Variants in RAB31 observed in about 807,000 individuals in gnomAD.
RAB31 encodes RAB31, member RAS oncogene family, also known as ras-related protein Rab-31.
In RAB31, 21 loss-of-function variants were observed where a neutral mutation model predicts 25.6. The ratio of observed to expected loss-of-function variants is 0.82; its 90% CI spans 0.58 to 1.18. RAB31 has a LOEUF of 1.18. Among genes scored for constraint, RAB31 ranks in the 50% most tolerant of loss-of-function variants. The pLI is 0.00. For missense variants in RAB31, 196 were observed against 250.1 expected, an observed-to-expected ratio of 0.78 and a Z score of 1.46; for synonymous variants, 87 against 84.0, an observed-to-expected ratio of 1.04 and a Z score of -0.20.
At chr18:9,847,534 C>A (rs2068767745) in intron 6 of RAB31, among the ~76,000 whole-genome samples, 1 of 152,262 alleles carries the variant, frequency 6.6e-6, no homozygotes, top group East Asian at 1.9e-4. Flanking sequence ...AAATAAGGAC[C>A]TGAAAGAGAA....
intron 1 of RAB31, among the ~76,000 whole-genome samples, chr18:9,735,892 C>T (rs1175276626): frequency 2.6e-5 from 4 of 152,134 alleles, no homozygotes; most frequent in Non-Finnish European, 5.9e-5. Flanking sequence ...ATTGGAGTGC[C>T]ATGGTGAGAT....
intron 2 of RAB31, chr18:9,787,274 G>A (rs1599038402): frequency 9.2e-6 from 2 of 217,548 alleles, no homozygotes; most frequent in Non-Finnish European, 2.0e-5. Context: ...CAAATGAAAT[G>A]AGTGTGGCAA....
chr18:9,782,852 A>G (rs553967864), intron 2 of RAB31, among the ~76,000 whole-genome samples: 2 of 152,220 alleles, frequency 1.3e-5, no homozygotes, highest in East Asian at 3.9e-4. Context: ...GTGAGCCACC[A>G]CACCTGGCTG....
chr18:9,776,494 T>TC (rs1354986032), intron 2 of RAB31, among the ~76,000 whole-genome samples: 4 of 152,056 alleles, frequency 2.6e-5, no homozygotes, highest in Non-Finnish European at 5.9e-5. Context: ...AAACCCACAT[T>TC]TTGTAGATTA....
At chr18:9,778,354 G>T (rs563955055) in intron 2 of RAB31, among the ~76,000 whole-genome samples, 3 of 152,158 alleles carry the variant, frequency 2.0e-5, no homozygotes, top group Non-Finnish European at 4.4e-5. Context: ...TCTAGTAAAT[G>T]CATTTCGGTG....
intron 2 of RAB31, among the ~76,000 whole-genome samples, chr18:9,779,460 A>G (rs1007436856): frequency 7.9e-5 from 12 of 152,194 alleles, no homozygotes; most frequent in African/African-American, 2.7e-4. Context: ...CTAACAAGCC[A>G]CAACATACAT....
chr18:9,821,743 A>C (rs2068625481), intron 5 of RAB31, among the ~76,000 whole-genome samples: 1 of 152,274 alleles, frequency 6.6e-6, no homozygotes, highest in East Asian at 1.9e-4. Flanking sequence ...ACTTAGGCAT[A>C]TATTTAACAA....
chr18:9,714,991 T>C (rs556076194), intron 1 of RAB31, among the ~76,000 whole-genome samples: 1 of 152,322 alleles, frequency 6.6e-6, no homozygotes, highest in East Asian at 1.9e-4. Flanking sequence ...GTACCTGCTG[T>C]CGCACAGTGC....
At chr18:9,826,206 C>T (rs9955706) in intron 5 of RAB31, among the ~76,000 whole-genome samples, 1 of 151,588 alleles carries the variant, frequency 6.6e-6, no homozygotes, top group African/African-American at 2.4e-5. Context: ...ATGAAACCCC[C>T]CTCTACTAAA....
Position 9,794,676 on chromosome 18 carries a change from G to A in RAB31, c.201+2441G>A, listed in dbSNP as rs541722796. ...CTAAAAATACAAAAATTAGTCAGGC[G>A]TGGTGGCACATACCTGTAGTCCCAA... On this transcript the variant is annotated intron_variant, in intron 3 of 6. Transcript: ENST00000578921. Among the ~76,000 whole-genome samples the A allele has an allele frequency of 3.2e-4, 48 of 152,116 alleles. 1 individual carries two copies. In the South Asian group the frequency reaches 7.3e-3, roughly 23 times the overall value.
intron 2 of RAB31, chr18:9,787,890 A>C (rs751744866): frequency 2.0e-5 from 3 of 152,250 alleles, no homozygotes; most frequent in Non-Finnish European, 4.4e-5. Context: ...AAAGATCGAA[A>C]CTGTAGACCA....
At chr18:9,735,961 T>A (rs1289581409) in intron 1 of RAB31, among the ~76,000 whole-genome samples, 1 of 152,164 alleles carries the variant, frequency 6.6e-6, no homozygotes, top group Non-Finnish European at 1.5e-5. Flanking sequence ...CTCATCCTCC[T>A]GAGTAGGTGG....
intron 1 of RAB31, among the ~76,000 whole-genome samples, chr18:9,751,618 T>A (rs1027228476): frequency 4.6e-5 from 7 of 152,192 alleles, no homozygotes; most frequent in Admixed American, 6.5e-5. Flanking sequence ...CATCATTCTT[T>A]TGATGTATTG....
At chr18:9,741,765 AG>A (rs1382553649) in intron 1 of RAB31, among the ~76,000 whole-genome samples, 1 of 152,214 alleles carries the variant, frequency 6.6e-6, no homozygotes, top group Non-Finnish European at 1.5e-5. Flanking sequence ...GACTTTTCAC[AG>A]GAACCCAGGC....
intron 5 of RAB31, among the ~76,000 whole-genome samples, chr18:9,827,716 G>A (rs2068656942): frequency 6.6e-6 from 1 of 152,188 alleles, no homozygotes; most frequent in Non-Finnish European, 1.5e-5. Context: ...AGTGAAAATA[G>A]GGTAGGGTAG....
intron 3 of RAB31, among the ~76,000 whole-genome samples, chr18:9,793,133 G>T (rs1010007098): frequency 6.6e-6 from 1 of 152,144 alleles, no homozygotes. Context: ...GAGTGCAGTG[G>T]CACAATTATG....
intron 6 of RAB31, among the ~76,000 whole-genome samples, chr18:9,856,819 C>T (rs1404005725): frequency 6.6e-6 from 1 of 152,112 alleles, no homozygotes; most frequent in Admixed American, 6.5e-5. Flanking sequence ...AATGATGTAA[C>T]TCGACACTGT....
chr18:9,777,184 T>A (rs1007072590), intron 2 of RAB31, among the ~76,000 whole-genome samples: 1 of 151,806 alleles, frequency 6.6e-6, no homozygotes, highest in Non-Finnish European at 1.5e-5. Flanking sequence ...CTACTAAAAA[T>A]ACAAAAATTA....
intron 1 of RAB31, among the ~76,000 whole-genome samples, chr18:9,764,525 C>T (rs545047864): frequency 6.6e-6 from 1 of 152,304 alleles, no homozygotes; most frequent in East Asian, 1.9e-4. Flanking sequence ...GAAGCCATCT[C>T]TCCTCCCCTT....
Sources: allele counts gnomAD v4.1 joint callset (sites outside exome capture counted in the v4.1 genomes callset), GRCh38; gene constraint gnomAD v4.1.1; transcripts MANE v1.5; gene names NCBI Gene and HGNC (gene_info 2026-07-23, HGNC 2026-07-21).